PDE4B: variants seen among roughly 807,000 people sequenced by gnomAD.
PDE4B encodes phosphodiesterase 4B, also known as 3',5'-cyclic-AMP phosphodiesterase 4B.
A neutral mutation model predicts 82.2 loss-of-function variants in PDE4B; 20 were observed. The ratio of observed to expected loss-of-function variants is 0.24; its 90% CI spans 0.17 to 0.35. The LOEUF (loss-of-function observed/expected upper bound fraction) is 0.35. Ranked by LOEUF, PDE4B falls within the 10% of genes least tolerant of loss-of-function variation. The probability of loss-of-function intolerance (pLI) is 1.00; values close to 1 mark genes in which losing one functional copy is unlikely to be tolerated. For synonymous variants in PDE4B, 320 were observed against 318.9 expected, an observed-to-expected ratio of 1.00 and a Z score of -0.04; for missense variants, 655 against 907.2, an observed-to-expected ratio of 0.72 and a Z score of 3.57.
At chr1:65,920,799 G>A (rs1647222180) in intron 3 of PDE4B, among the ~76,000 whole-genome samples, 1 of 146,204 alleles carries the variant, frequency 6.8e-6, no homozygotes, top group African/African-American at 2.4e-5. Context: ...GGAAAATTTA[G>A]CCATTATTCA....
At chr1:66,098,535 A>G (rs545790964) in intron 3 of PDE4B, among the ~76,000 whole-genome samples, 12 of 152,152 alleles carry the variant, frequency 7.9e-5, no homozygotes, top group Non-Finnish European at 1.6e-4. Flanking sequence ...GAAGCCTGCA[A>G]AGGTTACATA....
At chr1:66,230,555 T>C (rs1397365814) in intron 3 of PDE4B, among the ~76,000 whole-genome samples, 1 of 152,216 alleles carries the variant, frequency 6.6e-6, no homozygotes. Context: ...TTTGAAAGTT[T>C]TGTGACATTT....
At chr1:66,099,165 G>A (rs142355833) in intron 3 of PDE4B, among the ~76,000 whole-genome samples, 15 of 148,382 alleles carry the variant, frequency 1.0e-4, no homozygotes, top group Non-Finnish European at 1.7e-4. Flanking sequence ...CCCCGCCCCC[G>A]TGTCCATGGG....
intron 1 of PDE4B, among the ~76,000 whole-genome samples, chr1:65,863,679 T>TG (rs1269510311): frequency 1.3e-5 from 2 of 152,232 alleles, no homozygotes; most frequent in African/African-American, 4.8e-5. Context: ...TTTATGAATC[T>TG]GGGTGCTCCT....
At chr1:66,128,134 A>G (rs1182035939) in intron 3 of PDE4B, among the ~76,000 whole-genome samples, 1 of 152,192 alleles carries the variant, frequency 6.6e-6, no homozygotes, top group African/African-American at 2.4e-5. Flanking sequence ...TTTAATTACT[A>G]AATTTTTTTC....
intron 3 of PDE4B, among the ~76,000 whole-genome samples, chr1:66,180,948 C>A (rs756440237): frequency 2.4e-4 from 37 of 152,160 alleles, no homozygotes; most frequent in Non-Finnish European, 5.0e-4. Flanking sequence ...TTTAGAGTGT[C>A]TCTGAGGTGT....
At chr1:66,134,793 G>C (rs1646022271) in intron 3 of PDE4B, among the ~76,000 whole-genome samples, 1 of 152,154 alleles carries the variant, frequency 6.6e-6, no homozygotes, top group Non-Finnish European at 1.5e-5. Flanking sequence ...TTACATGTGT[G>C]CCATGTGCCA....
chr1:66,229,412 A>G (rs892638555), intron 3 of PDE4B, among the ~76,000 whole-genome samples: 41 of 152,238 alleles, frequency 2.7e-4, no homozygotes, highest in Admixed American at 7.9e-4. Flanking sequence ...CCTTTAAGGC[A>G]GCCACTTCAG....
chr1:66,364,529 C>T (rs1663077788), intron 12 of PDE4B, among the ~76,000 whole-genome samples: 1 of 152,132 alleles, frequency 6.6e-6, no homozygotes, highest in African/African-American at 2.4e-5. Flanking sequence ...AAGAGACTGG[C>T]CATGCCCTGT....
At chr1:66,000,213 A>G (rs934335246) in intron 3 of PDE4B, among the ~76,000 whole-genome samples, 33 of 152,314 alleles carry the variant, frequency 2.2e-4, no homozygotes, top group African/African-American at 7.9e-4. Context: ...AGCTCTACAT[A>G]TCTCTCACCA....
intron 3 of PDE4B, among the ~76,000 whole-genome samples, chr1:66,009,856 T>C (rs1481328118): frequency 2.0e-5 from 3 of 152,136 alleles, no homozygotes; most frequent in Non-Finnish European, 4.4e-5. Flanking sequence ...TACATATATA[T>C]GTATTTTTCT....
chr1:66,210,627 G>GA (rs1170564591), intron 3 of PDE4B, among the ~76,000 whole-genome samples: 2 of 146,998 alleles, frequency 1.4e-5, no homozygotes, highest in Non-Finnish European at 1.5e-5. Flanking sequence ...AAAGAAAAAG[G>GA]AAAAAAAGAA....
At chr1:65,843,040 G>T (rs1183025328) in intron 1 of PDE4B, among the ~76,000 whole-genome samples, 1 of 152,122 alleles carries the variant, frequency 6.6e-6, no homozygotes, top group African/African-American at 2.4e-5. Flanking sequence ...TGTGTAGGAT[G>T]TATATGGGTA....
At position 65,984,631 on chromosome 1, in the gene PDE4B, T is replaced by C. The variant is rs368369057; in HGVS notation, c.281+65796T>C. On this transcript the variant is annotated intron_variant, in intron 3 of 16. Coordinates refer to ENST00000341517, the MANE Select transcript of PDE4B (RefSeq NM_002600.4). ...TTAGCCAGGCGTGGTGGTGGGCGCA[T>C]GTAGTCCCAGCTATTCAGACGGCTG... 2.1e-4 allele frequency among the ~76,000 whole-genome samples: 32 copies of C among 152,222 alleles called. 1 individual carries two copies. In the East Asian group the frequency reaches 3.3e-3, roughly 16 times the overall value.
intron 3 of PDE4B, among the ~76,000 whole-genome samples, chr1:66,046,817 C>T (rs899123804): frequency 6.6e-5 from 10 of 151,808 alleles, no homozygotes; most frequent in African/African-American, 2.4e-4. Context: ...GCTATTCACT[C>T]TTTTAGTGCC....
chr1:65,872,083 A>T (rs1646579479), intron 1 of PDE4B, among the ~76,000 whole-genome samples: 1 of 152,124 alleles, frequency 6.6e-6, no homozygotes, highest in South Asian at 2.1e-4. Flanking sequence ...ACCTACATAA[A>T]TTGTGTATAA....
intron 1 of PDE4B, among the ~76,000 whole-genome samples, chr1:65,863,354 C>T (rs964844726): frequency 6.6e-6 from 1 of 152,158 alleles, no homozygotes; most frequent in Non-Finnish European, 1.5e-5. Flanking sequence ...TTTGATGGCA[C>T]TGTGGTCTGA....
In PDE4B at chr1:66,361,641, T is replaced by A. The variant is rs1456937423; in HGVS notation, c.868T>A (p.Ser290Thr). The A allele has an allele frequency of 6.2e-7, 1 of 1,613,084 alleles. No individual in the cohort carries two copies. The highest frequency in any genetic ancestry group is 2.2e-5 in the East Asian group (1 of 44,852). ...LDKQNDVEIP[S>T]PTQKDREKKK... ...CAAGCAGAATGATGTGGAGATCCCA[T>A]CTCCTACCCAGAAAGACAGGGAGAA... Residue 290 changes from serine (S) to threonine (T), a missense_variant, in exon 10 of 17, where the codon TCT becomes ACT. Ser to Thr is a moderately conservative substitution (Grantham distance 58). Coordinates refer to ENST00000341517, the MANE Select transcript of PDE4B (RefSeq NM_002600.4).
chr1:66,354,644 G>T, intron 8 of PDE4B: 1 of 1,386,598 alleles, frequency 7.2e-7, no homozygotes, highest in Admixed American at 3.1e-5. Context: ...GGGAGCATAG[G>T]CTTCTTGCAA....
Sources: allele counts gnomAD v4.1 joint callset (sites outside exome capture counted in the v4.1 genomes callset), GRCh38; gene constraint gnomAD v4.1.1; transcripts MANE v1.5; gene names NCBI Gene and HGNC (gene_info 2026-07-23, HGNC 2026-07-21).